Variants in FGF10 observed in about 807,000 individuals in gnomAD.
FGF10 encodes FGF-10.
Under a neutral mutation model 19.8 loss-of-function variants are expected in FGF10, and 2 were observed. The observed-to-expected ratio is 0.10, with a 90% CI of 0.04 to 0.32. The LOEUF is 0.32. Among genes scored for constraint, FGF10 ranks in the 10% least tolerant of loss-of-function variants. The pLI is 1.00. For synonymous variants in FGF10, 112 were observed against 94.0 expected (o/e 1.19, Z -1.10); for missense variants, 191 against 246.3 (o/e 0.78, Z 1.50).
intron 2 of FGF10, among the ~76,000 whole-genome samples, chr5:44,309,762 A>G (rs1740165678): frequency 6.6e-6 from 1 of 152,146 alleles, no homozygotes; most frequent in South Asian, 2.1e-4. Context: ...TTGATCCAAG[A>G]TTGCAGAAGT....
chr5:44,329,289 G>A (rs1039279659), intron 1 of FGF10, among the ~76,000 whole-genome samples: 1 of 152,100 alleles, frequency 6.6e-6, no homozygotes, highest in Non-Finnish European at 1.5e-5. Flanking sequence ...TGATTCTTCT[G>A]CCTCAGCCTC....
At chr5:44,385,403 T>C (rs1480198268) in intron 1 of FGF10, among the ~76,000 whole-genome samples, 1 of 152,184 alleles carries the variant, frequency 6.6e-6, no homozygotes, top group Non-Finnish European at 1.5e-5. Context: ...TGAATGATTG[T>C]CTTACTTCCC....
intron 1 of FGF10, among the ~76,000 whole-genome samples, chr5:44,343,484 G>A (rs1419200096): frequency 1.3e-5 from 2 of 151,836 alleles, no homozygotes; most frequent in Non-Finnish European, 2.9e-5. Context: ...CATTCTAGAT[G>A]TTTCATGCTA....
intron 1 of FGF10, among the ~76,000 whole-genome samples, chr5:44,371,489 G>A (rs576019344): frequency 6.6e-6 from 1 of 152,098 alleles, no homozygotes; most frequent in Admixed American, 6.5e-5. Context: ...AAATATAAAG[G>A]GGCTTCTTTA....
At position 44,388,968 on chromosome 5, in the gene FGF10, G is replaced by T. The variant is rs1443237027; in HGVS notation, c.-286C>A. On this transcript the variant is annotated 5_prime_UTR_variant, in exon 1 of 3. Coordinates refer to ENST00000264664, the MANE Select transcript of FGF10 (RefSeq NM_004465.2). ...GCAGGAGCTGGTGGTGGCGTTGGTG[G>T]TGTTGGTCACCAGCGCTCTTCGCTC... 2 of 547,488 alleles carry T rather than the reference G, an allele frequency of 3.7e-6. No homozygotes were observed. The highest frequency in any genetic ancestry group is 6.6e-6 in the Non-Finnish European group (2 of 303,538). The allele number at this position is 547,488 out of a possible 1,614,324, so 33.9% of individuals were successfully genotyped here.
intron 1 of FGF10, among the ~76,000 whole-genome samples, chr5:44,341,735 G>A (rs1444272753): frequency 1.3e-5 from 2 of 151,910 alleles, no homozygotes; most frequent in Non-Finnish European, 2.9e-5. Flanking sequence ...TTCTGAATAA[G>A]ATCCAAAGTG....
At chr5:44,338,298 T>G (rs1740896712) in intron 1 of FGF10, among the ~76,000 whole-genome samples, 1 of 152,224 alleles carries the variant, frequency 6.6e-6, no homozygotes, top group African/African-American at 2.4e-5. Context: ...TTATTTTCTT[T>G]GTACTCTTCT....
intron 1 of FGF10, among the ~76,000 whole-genome samples, chr5:44,379,744 A>G (rs751365654): frequency 3.3e-5 from 5 of 152,160 alleles, no homozygotes; most frequent in Non-Finnish European, 7.3e-5. Context: ...TTGTCATGTC[A>G]GCCCTTTCGC....
intron 1 of FGF10, among the ~76,000 whole-genome samples, chr5:44,317,379 G>A (rs1320058669): frequency 6.6e-6 from 1 of 152,080 alleles, no homozygotes; most frequent in East Asian, 1.9e-4. Context: ...CAAGTCATAG[G>A]ATAAATACAG....
intron 1 of FGF10, among the ~76,000 whole-genome samples, chr5:44,327,571 A>G (rs1288349106): frequency 3.9e-5 from 6 of 152,196 alleles, no homozygotes; most frequent in Non-Finnish European, 8.8e-5. Flanking sequence ...TCCACTGCAA[A>G]CATCCAAATA....
chr5:44,371,547 C>T (rs574900412), intron 1 of FGF10, among the ~76,000 whole-genome samples: 2 of 152,000 alleles, frequency 1.3e-5, no homozygotes, highest in South Asian at 2.1e-4. Context: ...AGAAAAGGGG[C>T]TTTTGGGCCA....
chr5:44,317,944 T>A (rs931500752), intron 1 of FGF10, among the ~76,000 whole-genome samples: 18 of 152,176 alleles, frequency 1.2e-4, no homozygotes, highest in African/African-American at 3.9e-4. Flanking sequence ...TAATAAGTGC[T>A]GATATAAATT....
intron 1 of FGF10, among the ~76,000 whole-genome samples, chr5:44,386,732 A>G (rs774429356): frequency 7.9e-5 from 12 of 152,190 alleles, no homozygotes; most frequent in Non-Finnish European, 1.3e-4. Context: ...GAAACACTTT[A>G]AAAGCACCTC....
Position 44,304,713 on chromosome 5 carries a change from C to A in FGF10, c.*282G>T. On this transcript the variant is annotated 3_prime_UTR_variant, in exon 3 of 3. Coordinates refer to ENST00000264664, the MANE Select transcript of FGF10 (RefSeq NM_004465.2). Reference sequence around the variant, plus strand: ...CAGAGGTTTAAAAACAAAAACTTGACAACAACAACAAAAAACCCAGCCACA... The same window carrying A: ...CAGAGGTTTAAAAACAAAAACTTGAAAACAACAACAAAAAACCCAGCCACA... 1 of 392,500 alleles carries A rather than the reference C, an allele frequency of 2.5e-6. No individual in the cohort carries two copies. The highest frequency in any genetic ancestry group is 4.0e-5 in the Admixed American group (1 of 24,836). The allele number at this position is 392,500 out of a possible 1,614,324, so 24.3% of individuals were successfully genotyped here.
At chr5:44,324,006 TCTAC>T (rs1207974632) in intron 1 of FGF10, among the ~76,000 whole-genome samples, 1 of 152,002 alleles carries the variant, frequency 6.6e-6, no homozygotes, top group Non-Finnish European at 1.5e-5. Context: ...TCCCTATCTA[TCTAC>T]CTATCTATCT....
intron 1 of FGF10, among the ~76,000 whole-genome samples, chr5:44,349,453 T>TATCAGAATATATATATATATATCAGA (rs1554038156): frequency 4.3e-5 from 1 of 23,060 alleles, no homozygotes; most frequent in Non-Finnish European, 9.2e-5. Flanking sequence ...TATATATATA[T>TATCAGAATATATATATATATATCAGA]ATATATATAT....
At chr5:44,373,616 A>C (rs994806427) in intron 1 of FGF10, among the ~76,000 whole-genome samples, 3 of 152,112 alleles carry the variant, frequency 2.0e-5, no homozygotes, top group African/African-American at 7.2e-5. Flanking sequence ...CCTTTCTTCT[A>C]GTTTTCAATA....
intron 1 of FGF10, among the ~76,000 whole-genome samples, chr5:44,385,777 A>G (rs1742083676): frequency 6.6e-6 from 1 of 152,300 alleles, no homozygotes; most frequent in South Asian, 2.1e-4. Flanking sequence ...CAACGTTTAG[A>G]CAATATCTTA....
chr5:44,311,670 G>A (rs777675230), intron 1 of FGF10, among the ~76,000 whole-genome samples: 2 of 152,008 alleles, frequency 1.3e-5, no homozygotes, highest in Non-Finnish European at 2.9e-5. Flanking sequence ...TATCATCAGA[G>A]GGTAGTTTTT....
Sources: allele counts gnomAD v4.1 joint callset (sites outside exome capture counted in the v4.1 genomes callset), GRCh38; gene constraint gnomAD v4.1.1; transcripts MANE v1.5; gene names NCBI Gene and HGNC (gene_info 2026-07-23, HGNC 2026-07-21).